The following ATP9A variants were observed in gnomAD, a reference collection of about 807,000 sequenced individuals.
ATP9A encodes probable phospholipid-transporting ATPase IIA.
A neutral mutation model predicts 144.1 loss-of-function variants in ATP9A; 52 were observed. The ratio of observed to expected loss-of-function variants is 0.36; its 90% CI spans 0.29 to 0.45. The LOEUF (loss-of-function observed/expected upper bound fraction) is 0.45. Among genes scored for constraint, ATP9A ranks in the 20% least tolerant of loss-of-function variants. The pLI is 1.00. For synonymous variants in ATP9A, 582 were observed against 557.4 expected, an observed-to-expected ratio of 1.04 and a Z score of -0.62; for missense variants, 947 against 1,392.7, an observed-to-expected ratio of 0.68 and a Z score of 5.09.
chr20:51,718,526 C>T (rs2077672679), intron 3 of ATP9A, among the ~76,000 whole-genome samples: 3 of 151,732 alleles, frequency 2.0e-5, no homozygotes, highest in Admixed American at 2.0e-4. Flanking sequence ...TAAGATAATT[C>T]AAAAGATGTG....
chr20:51,751,120 C>T (rs2077829595), intron 1 of ATP9A, among the ~76,000 whole-genome samples: 1 of 152,124 alleles, frequency 6.6e-6, no homozygotes, highest in Non-Finnish European at 1.5e-5. Flanking sequence ...GATGAGGATT[C>T]CATTGTTTAT....
chr20:51,615,938 G>T (rs1316705931), intron 22 of ATP9A, among the ~76,000 whole-genome samples: 3 of 152,110 alleles, frequency 2.0e-5, no homozygotes, highest in Non-Finnish European at 4.4e-5. Flanking sequence ...ACCTGGCCTA[G>T]ATTCTTTTAA....
chr20:51,731,651 G>A (rs1023041463), intron 1 of ATP9A, among the ~76,000 whole-genome samples: 4 of 151,838 alleles, frequency 2.6e-5, no homozygotes, highest in East Asian at 1.9e-4. Context: ...CTCGGGAGGC[G>A]GAGGTTGCAG....
At chr20:51,679,838 T>C (rs529914808) in intron 9 of ATP9A, among the ~76,000 whole-genome samples, 18 of 152,302 alleles carry the variant, frequency 1.2e-4, no homozygotes, top group African/African-American at 4.3e-4. Flanking sequence ...GAATCAGCGT[T>C]TGGAAATTTT....
At chr20:51,688,866 C>T (rs552790985) in intron 9 of ATP9A, among the ~76,000 whole-genome samples, 198 bp downstream of exon 9, 22 of 152,274 alleles carry the variant, frequency 1.4e-4, no homozygotes, top group South Asian at 8.3e-4. Flanking sequence ...ACAGGCCACG[C>T]GGGCTTCTCC....
chr20:51,717,861 G>A (rs1010700252), intron 3 of ATP9A, among the ~76,000 whole-genome samples: 1 of 151,976 alleles, frequency 6.6e-6, no homozygotes, highest in African/African-American at 2.4e-5. Context: ...GGCTGAGGCA[G>A]GAGAATCACT....
chr20:51,604,888 A>T lies in ATP9A; in HGVS notation c.2936T>A (p.Leu979His). The part of the protein sequence containing the change: ...VALTIQTWHW[L>H]MTVAELLSLA... ...GCTGAGCAGCTCCGCCACTGTCATG[A>T]GCCAGTGCCAGGTCTGGATGGTCAG... The change falls in exon 27 of 28, where the codon CTC (leucine) becomes CAC (histidine). Residue 979 changes from leucine (L) to histidine (H), a missense_variant. By Grantham distance (99) the Leu-to-His change is moderately conservative (BLOSUM62 -3). Coordinates refer to ENST00000338821, the MANE Select transcript of ATP9A (RefSeq NM_006045.3). 6.2e-7 allele frequency: 1 copy of T among 1,607,376 alleles called. No homozygotes were observed. Among genetic ancestry groups the T allele is most frequent in the East Asian group, 2.3e-5 (1 of 44,320 alleles).
chr20:51,633,131 A>AAAAAC (rs752929780), intron 15 of ATP9A, among the ~76,000 whole-genome samples: 4 of 152,182 alleles, frequency 2.6e-5, no homozygotes, highest in East Asian at 1.9e-4. Flanking sequence ...CTCAAAAAAC[A>AAAAAC]AAAACAAAAC....
intron 22 of ATP9A, among the ~76,000 whole-genome samples, chr20:51,616,943 T>G (rs1339700039): frequency 3.4e-5 from 5 of 147,984 alleles, no homozygotes. Context: ...AGAGAAACTT[T>G]TTTTTTTTTT....
intron 1 of ATP9A, among the ~76,000 whole-genome samples, chr20:51,749,717 G>T (rs2077823509): frequency 6.6e-6 from 1 of 152,166 alleles, no homozygotes; most frequent in Non-Finnish European, 1.5e-5. Flanking sequence ...AACATGGTAA[G>T]ACTGGCTGCC....
chr20:51,729,971 C>T lies in ATP9A; in HGVS notation c.76G>A (p.Glu26Lys), dbSNP rs377421166. Residue 26 changes from glutamate (E) to lysine (K), a missense_variant, in exon 2 of 28, where the codon GAG becomes AAG. Around this residue, in one of 2 missense-constraint regions of ATP9A, gnomAD observed 770 missense variants for 1,047.9 expected, o/e 0.73. Transcript: ENST00000338821. The part of the protein sequence containing the change: ...MDSRPRAGCC[E>K]WLRCCGGGEA... ...CCTCCACCGCAGCATCTCAGCCACT[C>T]GCAGCACCTGTGGGAAAGAAACCCA... is the stretch of plus-strand genomic sequence containing the variant. 1.3e-6 allele frequency: 2 copies of T among 1,541,290 alleles called. No individual in the cohort carries two copies. Among genetic ancestry groups the T allele is most frequent in the Non-Finnish European group, 1.7e-6 (2 of 1,149,442 alleles).
intron 3 of ATP9A, among the ~76,000 whole-genome samples, chr20:51,718,994 G>T (rs1305568058): frequency 6.6e-6 from 1 of 151,612 alleles, no homozygotes; most frequent in Non-Finnish European, 1.5e-5. Context: ...TGGGCGTGGT[G>T]GTGCGCGCCT....
chr20:51,621,221 A>C lies in ATP9A; in HGVS notation c.2115+853T>G, dbSNP rs1021302986. Among the ~76,000 whole-genome samples the C allele has an allele frequency of 2.6e-5, 4 of 151,828 alleles. No homozygotes were observed. The East Asian group carries it at 7.7e-4, about 29-fold the overall frequency. ...GAAAATATCAAGAGTACTGATTTGG[A>C]GGTCACAGATAAATTTTGGGAGGAG... On this transcript the variant is annotated intron_variant, in intron 19 of 27. Transcript: ENST00000338821.
intron 9 of ATP9A, among the ~76,000 whole-genome samples, chr20:51,677,335 C>CT (rs1357638417): frequency 6.6e-6 from 1 of 152,156 alleles, no homozygotes; most frequent in East Asian, 1.9e-4. Flanking sequence ...ACTGAAAACC[C>CT]TTTGAGTTTA....
chr20:51,660,269 A>T (rs2077405572), intron 13 of ATP9A, among the ~76,000 whole-genome samples: 2 of 152,246 alleles, frequency 1.3e-5, no homozygotes, highest in Non-Finnish European at 2.9e-5. Context: ...TACTGAGGGC[A>T]TCCTTCATGA....
intron 10 of ATP9A, among the ~76,000 whole-genome samples, chr20:51,675,887 GAAA>G (rs375688302): frequency 1.9e-5 from 2 of 103,500 alleles, no homozygotes; most frequent in African/African-American, 3.1e-5. Flanking sequence ...CTCAAAAAAA[GAAA>G]AAAAAAAAAA....
intron 14 of ATP9A, among the ~76,000 whole-genome samples, chr20:51,644,404 C>G (rs1456731468): frequency 6.7e-6 from 1 of 150,054 alleles, no homozygotes; most frequent in Non-Finnish European, 1.5e-5. Flanking sequence ...TCCCAAGTAG[C>G]TGGTGCCCGC....
intron 3 of ATP9A, among the ~76,000 whole-genome samples, chr20:51,714,027 C>A (rs2122852145): frequency 6.6e-6 from 1 of 152,090 alleles, no homozygotes; most frequent in Non-Finnish European, 1.5e-5. Flanking sequence ...CTGTCTCAGC[C>A]TCTCGAGTAG....
intron 3 of ATP9A, among the ~76,000 whole-genome samples, chr20:51,718,837 A>G (rs907388449): frequency 9.0e-6 from 1 of 110,902 alleles, no homozygotes; most frequent in African/African-American, 3.1e-5. Flanking sequence ...AAAAAAAAAA[A>G]AAAAAAAACA....
Sources: gnomAD v4.1 joint callset for allele counts (sites outside exome capture counted in the v4.1 genomes callset) on GRCh38, gnomAD v4.1.1 for gene constraint, gnomAD v4.1.1 regional missense constraint, MANE v1.5 for transcripts, NCBI Gene and HGNC (gene_info 2026-07-23, HGNC 2026-07-21) for gene names.